The following COG6 variants were observed in gnomAD, a reference collection of about 807,000 sequenced individuals.
COG6 encodes component of oligomeric golgi complex 6, also known as conserved oligomeric Golgi complex subunit 6.
COG6 carries 74 observed loss-of-function variants against 88.8 expected under a neutral mutation model. The observed-to-expected ratio is 0.83, with a 90% CI of 0.69 to 1.01. COG6 has a LOEUF of 1.01. COG6 is among the 50% of genes least tolerant of loss of function. The pLI, the probability that COG6 is intolerant of heterozygous loss-of-function variation, is 0.00. For synonymous variants in COG6, 286 were observed against 278.7 expected (o/e 1.03, Z -0.26); for missense variants, 800 against 797.9 (o/e 1.00, Z -0.03).
intron 13 of COG6, among the ~76,000 whole-genome samples, chr13:39,700,912 G>A (rs1593435705): frequency 6.6e-6 from 1 of 151,814 alleles, no homozygotes; most frequent in Admixed American, 6.6e-5. Context: ...GTGAGGAAAG[G>A]AGTGCATAGA....
At chr13:39,656,835 A>G (rs777711729) in intron 1 of COG6, 3 of 455,872 alleles carry the variant, frequency 6.6e-6, no homozygotes, top group Non-Finnish European at 1.3e-5. Flanking sequence ...GGAATTAGGA[A>G]TCCTGCTGTT....
chr13:39,661,734 A>G (rs1874909894), intron 3 of COG6, among the ~76,000 whole-genome samples: 1 of 151,416 alleles, frequency 6.6e-6, no homozygotes, highest in South Asian at 2.1e-4. Context: ...TATAATATAT[A>G]CTAATTATTA....
chr13:39,744,739 GA>G (rs554562754), intron 18 of COG6, among the ~76,000 whole-genome samples: 218 of 151,316 alleles, frequency 1.4e-3, no homozygotes, highest in African/African-American at 4.8e-3. Flanking sequence ...TTTCGAATTG[GA>G]AAAAAAACTA....
rs1480465472 is a variant in COG6 at position 39,751,680 on chromosome 13, T to A, written c.*587T>A. The A allele has an allele frequency of 7.8e-7, 1 of 1,286,786 alleles. No individual in the cohort carries two copies. The highest frequency in any genetic ancestry group is 2.3e-5 in the Admixed American group (1 of 43,514). 79.7% of individuals were successfully genotyped at this position (1,286,786 alleles called of 1,614,324 possible). On this transcript the variant is annotated 3_prime_UTR_variant, in exon 19 of 19. Transcript: ENST00000455146. ...ATCTCCTTTCTGTTCTACTTTAGCA[T>A]ACTATATATATTTGACTGTGTACAT...
At chr13:39,678,771 A>G (rs1876124750) in intron 5 of COG6, among the ~76,000 whole-genome samples, 2 of 152,108 alleles carry the variant, frequency 1.3e-5, no homozygotes, top group South Asian at 4.1e-4. Context: ...GGAACCAGTC[A>G]TTTGGGTGTA....
intron 1 of COG6, chr13:39,656,695 T>TA: frequency 2.7e-6 from 1 of 364,872 alleles, no homozygotes; most frequent in African/African-American, 2.1e-5. Flanking sequence ...TTCCGATATG[T>TA]AAAAAAATAA....
chr13:39,689,077 T>C (rs895234155), intron 10 of COG6, among the ~76,000 whole-genome samples: 3 of 152,230 alleles, frequency 2.0e-5, no homozygotes, highest in Admixed American at 1.3e-4. Context: ...CTTTCTGTTA[T>C]TATTCTCCTT....
intron 18 of COG6, among the ~76,000 whole-genome samples, chr13:39,772,914 A>T (rs537025534): frequency 1.2e-4 from 19 of 152,270 alleles, no homozygotes; most frequent in South Asian, 1.0e-3. Flanking sequence ...GTCTCTGGGG[A>T]CTATCTTCTT....
chr13:39,751,020 C>T lies in COG6; in HGVS notation c.1901C>T (p.Pro634Leu). 2.4e-5 allele frequency: 39 copies of T among 1,613,588 alleles called. No homozygotes were observed. The highest frequency in any genetic ancestry group is 3.3e-5 in the Non-Finnish European group (39 of 1,179,718). The change falls in exon 19 of 19, where the codon CCA becomes CTA. Residue 634 changes from proline (P) to leucine (L), a missense_variant. By Grantham distance (98) the Pro-to-Leu change is moderately conservative. Transcript: ENST00000455146. ...YGEVYAAVMNPINEYKDPENI... is the reference protein window; with the variant it reads ...YGEVYAAVMNLINEYKDPENI... ...GAAGTGTATGCAGCCGTGATGAATC[C>T]AATCAATGAATACAAAGATCCAGAG... is the stretch of plus-strand genomic sequence containing the variant.
intron 18 of COG6, among the ~76,000 whole-genome samples, chr13:39,764,549 A>G (rs1881112104): frequency 1.3e-5 from 2 of 151,938 alleles, no homozygotes; most frequent in Admixed American, 1.3e-4. Flanking sequence ...AGCTATATCC[A>G]TAAGCTTTTA....
intron 13 of COG6, among the ~76,000 whole-genome samples, chr13:39,716,222 C>G (rs563334499): frequency 6.6e-6 from 1 of 151,638 alleles, no homozygotes; most frequent in Admixed American, 6.6e-5. Flanking sequence ...ATGGATTGAC[C>G]CTTTTATCAT....
At chr13:39,707,697 G>A (rs1566189142) in intron 13 of COG6, among the ~76,000 whole-genome samples, 1 of 152,040 alleles carries the variant, frequency 6.6e-6, no homozygotes, top group Non-Finnish European at 1.5e-5. Context: ...TAACATATCT[G>A]TAAGATTCAT....
At position 39,719,347 on chromosome 13, in the gene COG6, C is replaced by T. The variant is rs765585695; in HGVS notation, c.1396C>T (p.Arg466Cys). The T allele has an allele frequency of 6.8e-5, 109 of 1,612,296 alleles. No homozygotes were observed. The highest frequency in any genetic ancestry group is 8.8e-5 in the Non-Finnish European group (104 of 1,179,032). The change falls in exon 14 of 19, where the codon CGT (arginine) becomes TGT (cysteine). Residue 466 changes from arginine (R) to cysteine (C), a missense_variant. Transcript: ENST00000455146. ...HDSSVVPLDA[R>C]QADFVQVLSC... ...TTCTTCAGTTGTACCATTAGATGCT[C>T]GTCAAGCTGATTTTGTGCAGGTATG... is the stretch of plus-strand genomic sequence containing the variant.
intron 5 of COG6, 89 bp downstream of exon 5, chr13:39,677,668 TAAAA>T (rs1325195774): frequency 2.9e-6 from 2 of 683,072 alleles, no homozygotes; most frequent in Admixed American, 2.8e-5. Flanking sequence ...ATTTTCCCAT[TAAAA>T]AAAGTTTCAT....
chr13:39,732,753 T>C (rs1200172464), intron 18 of COG6, among the ~76,000 whole-genome samples: 5 of 152,166 alleles, frequency 3.3e-5, no homozygotes, highest in South Asian at 2.1e-4. Flanking sequence ...TCTTAGAGAA[T>C]TGTGAGATAA....
intron 18 of COG6, among the ~76,000 whole-genome samples, chr13:39,769,291 G>A (rs918445934): frequency 1.3e-5 from 2 of 152,172 alleles, no homozygotes; most frequent in Non-Finnish European, 2.9e-5. Context: ...ATAAGAGAGT[G>A]CCAAATTGTT....
chr13:39,717,596 G>A (rs1241007488), intron 13 of COG6, among the ~76,000 whole-genome samples: 1 of 152,100 alleles, frequency 6.6e-6, no homozygotes, highest in Non-Finnish European at 1.5e-5. Flanking sequence ...GCCAAGCACA[G>A]CAGTTCACAC....
intron 8 of COG6, among the ~76,000 whole-genome samples, chr13:39,687,063 T>G (rs1876691352): frequency 6.6e-6 from 1 of 152,080 alleles, no homozygotes; most frequent in Admixed American, 6.5e-5. Flanking sequence ...AATCAGTTTT[T>G]GAGAACTGTT....
exon 19 of COG6, chr13:39,788,374 C>T: frequency 6.4e-7 from 1 of 1,551,416 alleles, no homozygotes; most frequent in Admixed American, 2.0e-5. Flanking sequence ...GTAACCAGTG[C>T]AGGACCTTGT....
Sources: gnomAD v4.1 joint callset for allele counts (sites outside exome capture counted in the v4.1 genomes callset) on GRCh38, gnomAD v4.1.1 for gene constraint, MANE v1.5 for transcripts, NCBI Gene and HGNC (gene_info 2026-07-23, HGNC 2026-07-21) for gene names.